IDH3G: variants seen among roughly 807,000 people sequenced by gnomAD.
The protein encoded by IDH3G is isocitrate dehydrogenase [NAD] subunit gamma, mitochondrial.
IDH3G carries 9 observed loss-of-function variants against 26.9 expected under a neutral mutation model. The observed-to-expected ratio is 0.34, with a 90% CI of 0.20 to 0.58. The LOEUF is 0.58. Ranked by LOEUF, IDH3G falls within the 20% of genes least tolerant of loss-of-function variation. The pLI, the probability that IDH3G is intolerant of heterozygous loss-of-function variation, is 0.85. For missense variants in IDH3G, 250 were observed against 372.8 expected (o/e 0.67, Z 2.71); for synonymous variants, 181 against 160.0 (o/e 1.13, Z -0.99).
chrX:153,793,527 G>A (rs1557070994), intron 1 of IDH3G: 1 of 112,267 alleles, frequency 8.9e-6, no homozygotes, highest in East Asian at 2.8e-4. Context: ...CCACGCAGTG[G>A]CTCAGTGTGG....
intron 1 of IDH3G, chrX:153,792,257 G>A (rs1388811740): frequency 8.9e-6 from 1 of 112,082 alleles, no homozygotes; most frequent in Non-Finnish European, 1.9e-5. Context: ...CTGGCCCAGA[G>A]CTGGCACATA....
At position 153,794,307 on chromosome X, in the gene IDH3G, G is replaced by A; in HGVS notation, c.20C>T (p.Thr7Ile). MALKVA[T>I]VAGSAAKAVL... ...CGCCTTCGCGGCGCTGCCGGCGACG[G>A]TCGCTACCTTCAGCGCCATGACGGA... The change falls in exon 1 of 13, where the codon ACC (threonine) becomes ATC (isoleucine). Residue 7 changes from threonine (T) to isoleucine (I), a missense_variant. Physicochemically the swap from Thr to Ile is moderately conservative, Grantham distance 89. Transcript: ENST00000217901. 8.3e-7 allele frequency: 1 copy of A among 1,198,381 alleles called. No homozygotes were observed. Among genetic ancestry groups the A allele is most frequent in the Non-Finnish European group, 1.1e-6 (1 of 890,418 alleles).
At position 153,790,573 on chromosome X, in the gene IDH3G, T is replaced by C; in HGVS notation, c.126A>G (p.Glu42=). 1 of 1,209,047 alleles carries C rather than the reference T, an allele frequency of 8.3e-7. No homozygotes were observed. The highest frequency in any genetic ancestry group is 1.1e-6 in the Non-Finnish European group (1 of 893,157). The change falls in exon 3 of 13, where the codon GAA becomes GAG. Residue 42 remains glutamate, a splice_region_variant and synonymous_variant. Coordinates refer to ENST00000217901, the MANE Select transcript of IDH3G (RefSeq NM_004135.4). Reference sequence around the variant, plus strand: ...AGAGAAGAATACTCACAATTGTTTGTTCCTAGAAAGGATGAGAAAGGAAGA... The same window carrying C: ...AGAGAAGAATACTCACAATTGTTTGCTCCTAGAAAGGATGAGAAAGGAAGA... ...HEVPSRNIFS[E]QTIPPSAKYG...
chrX:153,790,186 G>A lies in IDH3G; in HGVS notation c.233+9C>T. The A allele has an allele frequency of 5.9e-6, 7 of 1,192,469 alleles. No homozygotes were observed. Among genetic ancestry groups the A allele is most frequent in the Non-Finnish European group, 8.0e-6 (7 of 877,588 alleles). On this transcript the variant is annotated intron_variant, in intron 4 of 12. Transcript: ENST00000217901. Reference sequence around the variant, plus strand: ...CTGAGGACAAGGCGGGGACCCAGGAGCTCCATACCTGAAGACGGACTTGAC... The same window carrying A: ...CTGAGGACAAGGCGGGGACCCAGGAACTCCATACCTGAAGACGGACTTGAC...
intron 9 of IDH3G, 28 bp from the exon 10 acceptor site, chrX:153,786,975 G>C: frequency 8.3e-7 from 1 of 1,204,068 alleles, no homozygotes; most frequent in Non-Finnish European, 1.1e-6. Flanking sequence ...GGCTGGCTGA[G>C]GAGCAGATTC....
At chrX:153,790,641 G>A in intron 2 of IDH3G, 66 bp from the exon 3 acceptor site, 1 of 1,144,779 alleles carries the variant, frequency 8.7e-7, no homozygotes, top group Non-Finnish European at 1.2e-6. Flanking sequence ...CCGTGACCAG[G>A]AAAGTGGGAC....
At position 153,794,278 on chromosome X, in the gene IDH3G, G is replaced by C; in HGVS notation, c.49C>G (p.Leu17Val). 8.3e-7 allele frequency: 1 copy of C among 1,201,875 alleles called. No homozygotes were observed. Among genetic ancestry groups the C allele is most frequent in the South Asian group, 1.8e-5 (1 of 56,650 alleles). Residue 17 changes from leucine (L) to valine (V), a missense_variant, in exon 1 of 13, where the codon CTC (leucine) becomes GTC (valine). By Grantham distance (32) the Leu-to-Val change is conservative (BLOSUM62 1). Coordinates refer to ENST00000217901, the MANE Select transcript of IDH3G (RefSeq NM_004135.4). ...TVAGSAAKAVLGPALLCRPWE... is the reference protein window; with the variant it reads ...TVAGSAAKAVVGPALLCRPWE... Reference sequence around the variant, plus strand: ...GGACGGCAGAGAAGGGCTGGCCCGAGCACCGCCTTCGCGGCGCTGCCGGCG... The same window carrying C: ...GGACGGCAGAGAAGGGCTGGCCCGACCACCGCCTTCGCGGCGCTGCCGGCG...
intron 10 of IDH3G, 142 bp downstream of exon 10, chrX:153,786,659 G>A (rs1262875361): frequency 2.8e-6 from 2 of 714,416 alleles, no homozygotes; most frequent in East Asian, 6.5e-5. Flanking sequence ...TGACCTGGTG[G>A]TGACGGCAGT....
chrX:153,791,098 A>C, intron 1 of IDH3G: 1 of 364,789 alleles, frequency 2.7e-6, no homozygotes, highest in Non-Finnish European at 4.8e-6. Flanking sequence ...AATTTCTTAA[A>C]AGGCGTGTCC....
chrX:153,788,020 T>C, intron 6 of IDH3G, 55 bp downstream of exon 6: 1 of 1,209,002 alleles, frequency 8.3e-7, no homozygotes, highest in Non-Finnish European at 1.1e-6. Context: ...CAGACTCCAC[T>C]GGCTCACCCC....
chrX:153,787,363 G>A (rs2092092864), intron 8 of IDH3G, 101 bp downstream of exon 8: 8 of 1,072,632 alleles, frequency 7.5e-6, no homozygotes, highest in Non-Finnish European at 1.0e-5. Flanking sequence ...GTGGCACCTC[G>A]GTGGGTAGCT....
intron 4 of IDH3G, 46 bp downstream of exon 4, chrX:153,790,149 A>G: frequency 3.9e-5 from 42 of 1,068,329 alleles, no homozygotes; most frequent in Non-Finnish European, 5.2e-5. Flanking sequence ...CAAAGTCCTC[A>G]GGGCCCCCTG....
chrX:153,788,840 G>A (rs1557069783), intron 5 of IDH3G, among the ~76,000 whole-genome samples: 1 of 113,015 alleles, frequency 8.8e-6, no homozygotes, highest in African/African-American at 3.2e-5. Context: ...AATGGGCTGA[G>A]TGTGCAAAAT....
chrX:153,789,493 G>A (rs1329864075), intron 5 of IDH3G, among the ~76,000 whole-genome samples: 1 of 112,170 alleles, frequency 8.9e-6, no homozygotes, highest in Non-Finnish European at 1.9e-5. Flanking sequence ...GCACTGAGCC[G>A]AGATCACACC....
intron 4 of IDH3G, 100 bp from the exon 5 acceptor site, chrX:153,789,924 C>T: frequency 1.7e-6 from 1 of 577,839 alleles, no homozygotes; most frequent in Non-Finnish European, 2.9e-6. Flanking sequence ...CCTGCCCTGA[C>T]CTGGCTCTGA....
rs958601188 is a variant in IDH3G, at chrX:153,785,832, G to C, written c.*40C>G. ...CTGGCTGGGGTGCTGGAGTGGGAAG[G>C]GGAATCCAAGGAGCAAACCAAGAAG... On this transcript the variant is annotated 3_prime_UTR_variant, in exon 13 of 13. Coordinates refer to ENST00000217901, the MANE Select transcript of IDH3G (RefSeq NM_004135.4). The C allele has an allele frequency of 2.5e-6, 3 of 1,194,738 alleles. No individual in the cohort carries two copies. Among genetic ancestry groups the C allele is most frequent in the Non-Finnish European group, 3.4e-6 (3 of 882,423 alleles).
chrX:153,786,021 C>T lies in IDH3G; in HGVS notation c.1081-48G>A, dbSNP rs782249155. On this transcript the variant is annotated intron_variant, in intron 12 of 12. Transcript: ENST00000217901. ...GCACACACCAGGCCCTGCCACCCCC[C>T]GCTGTCTCCTGTGACGTGCAGGACT... The T allele has an allele frequency of 2.2e-5, 26 of 1,209,041 alleles. No individual in the cohort carries two copies. In the East Asian group the frequency reaches 3.0e-4, roughly 14 times the overall value.
At chrX:153,789,636 A>G in intron 5 of IDH3G, 76 bp downstream of exon 5, 1 of 602,082 alleles carries the variant, frequency 1.7e-6, no homozygotes, top group African/African-American at 2.2e-5. Context: ...CGAGCAAGTA[A>G]GCAAGAAACG....
At chrX:153,788,780 G>A (rs1557069770) in intron 5 of IDH3G, among the ~76,000 whole-genome samples, 1 of 112,814 alleles carries the variant, frequency 8.9e-6, no homozygotes, top group Non-Finnish European at 1.9e-5. Context: ...CAGGGCCTGG[G>A]GCTCCCCCTG....
Sources: allele counts gnomAD v4.1 joint callset (sites outside exome capture counted in the v4.1 genomes callset), GRCh38; gene constraint gnomAD v4.1.1; transcripts MANE v1.5; gene names NCBI Gene and HGNC (gene_info 2026-07-23, HGNC 2026-07-21).